The following GRAMD1C variants were observed in gnomAD, a reference collection of about 807,000 sequenced individuals.
GRAMD1C encodes the protein GRAM domain containing 1C, also known as protein Aster-C.
In GRAMD1C, 89 loss-of-function variants were observed where a neutral mutation model predicts 97.8. That is an observed-to-expected ratio of 0.91 (90% CI 0.77 to 1.09). The LOEUF (loss-of-function observed/expected upper bound fraction) is 1.09. Among genes scored for constraint, GRAMD1C ranks in the 50% least tolerant of loss-of-function variants. The pLI is 0.00. For synonymous variants in GRAMD1C, 256 were observed against 267.0 expected, an observed-to-expected ratio of 0.96 and a Z score of 0.40; for missense variants, 740 against 766.4, an observed-to-expected ratio of 0.97 and a Z score of 0.41.
chr3:113,870,518 T>C (rs965156995), intron 3 of GRAMD1C, among the ~76,000 whole-genome samples: 2 of 152,140 alleles, frequency 1.3e-5, no homozygotes, highest in Admixed American at 1.3e-4. Context: ...GTGTTCAGTA[T>C]CACATGGGGA....
intron 1 of GRAMD1C, 149 bp downstream of exon 1, chr3:113,839,085 C>T: frequency 1.9e-6 from 1 of 537,362 alleles, no homozygotes. Context: ...AAGTTGTTAC[C>T]GAGGAAACGG....
intron 1 of GRAMD1C, 108 bp downstream of exon 1, chr3:113,839,044 C>T: frequency 1.5e-6 from 1 of 689,312 alleles, no homozygotes; most frequent in Non-Finnish European, 2.0e-6. Flanking sequence ...CCTCCCTTCC[C>T]TTTTCTTCGT....
chr3:113,835,470 C>T (rs1284607376), upstream of GRAMD1C, among the ~76,000 whole-genome samples: 2 of 152,154 alleles, frequency 1.3e-5, no homozygotes, highest in Non-Finnish European at 1.5e-5. Context: ...CCATGGAGAA[C>T]CATGAGGACA....
upstream of GRAMD1C, among the ~76,000 whole-genome samples, chr3:113,838,192 C>T (rs1316440701): frequency 2.6e-5 from 4 of 152,098 alleles, no homozygotes; most frequent in Non-Finnish European, 4.4e-5. Flanking sequence ...GGGTGGGCCT[C>T]GGCATTTTAT....
chr3:113,908,639 G>T (rs1196326320), intron 8 of GRAMD1C, among the ~76,000 whole-genome samples: 1 of 152,026 alleles, frequency 6.6e-6, no homozygotes, highest in African/African-American at 2.4e-5. Flanking sequence ...AGAATGGATT[G>T]TTCTATTATT....
chr3:113,836,715 C>CTCCCTGCAGCCTCCACTTTCCAGGT (rs1709637304), upstream of GRAMD1C, among the ~76,000 whole-genome samples: 1 of 152,026 alleles, frequency 6.6e-6, no homozygotes, highest in Non-Finnish European at 1.5e-5. Context: ...CTGATCTCGG[C>CTCCCTGCAGCCTCCACTTTCCAGGT]TCCCTGCAGC....
At chr3:113,910,903 C>G (rs953722690) in intron 9 of GRAMD1C, among the ~76,000 whole-genome samples, 1 of 152,138 alleles carries the variant, frequency 6.6e-6, no homozygotes, top group Non-Finnish European at 1.5e-5. Context: ...CCAACATACT[C>G]CTTCCACATT....
chr3:113,834,771 T>TA (rs776577187), upstream of GRAMD1C, among the ~76,000 whole-genome samples: 6,460 of 119,880 alleles, frequency 0.054, 170 homozygotes, highest in East Asian at 0.061. Flanking sequence ...CTGTCTCTAC[T>TA]AAAAAAAAAA....
chr3:113,905,103 G>A (rs1936322409), intron 8 of GRAMD1C, among the ~76,000 whole-genome samples: 1 of 152,130 alleles, frequency 6.6e-6, no homozygotes, highest in Non-Finnish European at 1.5e-5. Flanking sequence ...CAAAGTGCTG[G>A]GATCACAGGC....
At chr3:113,913,231 C>A in intron 9 of GRAMD1C, 1 of 523,932 alleles carries the variant, frequency 1.9e-6, no homozygotes, top group Non-Finnish European at 3.3e-6. Context: ...ATGGTCCTTC[C>A]AAAGTAGTTT....
rs987550678 is a variant in GRAMD1C, at chr3:113,889,643, CT to C, written c.540+6824del. Among the ~76,000 whole-genome samples, 279 of 142,702 alleles carry C rather than the reference CT, an allele frequency of 2.0e-3. 2 individuals are homozygous for C. The highest frequency in any genetic ancestry group is 0.01 in the South Asian group (45 of 4,476). 93.6% of individuals were successfully genotyped at this position (142,702 alleles called of 152,430 possible). A position where few individuals can be genotyped will look rare whatever the true frequency, so the allele number is the denominator to read the frequency against. ...AGATTTCCTGCAGATAAGAAAGCCT[CT>C]TTTTTTTTTTTTCGAGATGGAGTTT... On this transcript the variant is annotated intron_variant, in intron 6 of 17. Transcript: ENST00000358160.
At chr3:113,939,804 G>T in intron 15 of GRAMD1C, 82 bp from the exon 16 acceptor site, 1 of 723,986 alleles carries the variant, frequency 1.4e-6, no homozygotes, top group East Asian at 2.5e-5. Context: ...ACACATTTTT[G>T]AAGCTTTTGC....
chr3:113,904,058 GGAA>G, intron 7 of GRAMD1C, 79 bp from the exon 8 acceptor site: 1 of 977,128 alleles, frequency 1.0e-6, no homozygotes, highest in East Asian at 2.4e-5. Context: ...TTTTATCATA[GGAA>G]ATGACCTCAG....
At chr3:113,944,515 T>C (rs1359066284) in intron 17 of GRAMD1C, among the ~76,000 whole-genome samples, 1 of 152,236 alleles carries the variant, frequency 6.6e-6, no homozygotes, top group Non-Finnish European at 1.5e-5. Flanking sequence ...AAACTGATTA[T>C]GTCCAAAACA....
In GRAMD1C at chr3:113,904,146, A is replaced by T; in HGVS notation, c.663A>T (p.Pro221=). 1 of 1,608,990 alleles carries T rather than the reference A, an allele frequency of 6.2e-7. No homozygotes were observed. The highest frequency in any genetic ancestry group is 8.5e-7 in the Non-Finnish European group (1 of 1,175,704). The change falls in exon 8 of 18, where the codon CCA becomes CCT. Residue 221 remains proline (P), a synonymous_variant. Coordinates refer to ENST00000358160, the MANE Select transcript of GRAMD1C (RefSeq NM_017577.5). ...AATGATGTGTTTCTTACAGAAGTCC[A>T]GGAAGAAGCAGCTTGGATGACTCTG... ...LSIEDVQPRS[P]GRSSLDDSGE...
At chr3:113,893,228 A>G (rs1935805172) in intron 6 of GRAMD1C, among the ~76,000 whole-genome samples, 1 of 152,114 alleles carries the variant, frequency 6.6e-6, no homozygotes, top group African/African-American at 2.4e-5. Context: ...TTTTAAAAAA[A>G]AATGCTTGCT....
chr3:113,900,274 G>A (rs751360855), intron 6 of GRAMD1C, among the ~76,000 whole-genome samples: 5 of 151,230 alleles, frequency 3.3e-5, no homozygotes, highest in Admixed American at 6.6e-5. Flanking sequence ...TAGGAGAATC[G>A]CTTGAACCTG....
chr3:113,940,299 A>G lies in GRAMD1C; in HGVS notation c.1862A>G (p.His621Arg). 6.2e-7 allele frequency: 1 copy of G among 1,611,428 alleles called. No individual in the cohort carries two copies. Among genetic ancestry groups the G allele is most frequent in the Non-Finnish European group, 8.5e-7 (1 of 1,177,494 alleles). The change falls in exon 17 of 18, where the codon CAT (histidine) becomes CGT (arginine). Residue 621 changes from histidine (H) to arginine (R), a missense_variant. By Grantham distance (29) the His-to-Arg change is conservative. Coordinates refer to ENST00000358160, the MANE Select transcript of GRAMD1C (RefSeq NM_017577.5). ...ATTCAGAAGAATAAAGATCAGGCCCATCGTTTAAAGGGAGTGCTCCGAGAC... is the reference window on the plus strand; with the variant it reads ...ATTCAGAAGAATAAAGATCAGGCCCGTCGTTTAAAGGGAGTGCTCCGAGAC... ...ETIQKNKDQA[H>R]RLKGVLRDSI...
At chr3:113,877,308 C>A (rs1468788404) in intron 5 of GRAMD1C, among the ~76,000 whole-genome samples, 1 of 152,204 alleles carries the variant, frequency 6.6e-6, no homozygotes, top group Non-Finnish European at 1.5e-5. Context: ...TATATAACCA[C>A]AATATAATTC....
Sources: allele counts gnomAD v4.1 joint callset (sites outside exome capture counted in the v4.1 genomes callset), GRCh38; gene constraint gnomAD v4.1.1; transcripts MANE v1.5; gene names NCBI Gene and HGNC (gene_info 2026-07-23, HGNC 2026-07-21).